Variants in BBOF1 observed in about 807,000 individuals in gnomAD.
BBOF1 encodes basal body-orientation factor 1.
A neutral mutation model predicts 68.0 loss-of-function variants in BBOF1; 62 were observed. That is an observed-to-expected ratio of 0.91 (90% CI 0.74 to 1.13). The LOEUF (loss-of-function observed/expected upper bound fraction) is 1.13. Ranked by LOEUF, BBOF1 falls within the 50% of genes most tolerant of loss-of-function variation. The probability of loss-of-function intolerance (pLI) is 0.00; values close to 1 mark genes in which losing one functional copy is unlikely to be tolerated. For synonymous variants in BBOF1, 208 were observed against 198.8 expected (o/e 1.05, Z -0.39); for missense variants, 534 against 600.1 (o/e 0.89, Z 1.15).
At chr14:74,026,858 G>A (rs1286176967) in intron 2 of BBOF1, among the ~76,000 whole-genome samples, 2 of 151,722 alleles carry the variant, frequency 1.3e-5, no homozygotes, top group African/African-American at 4.8e-5. Context: ...CCAGGAGGTG[G>A]AGGTTGCAGT....
chr14:74,037,314 CAG>C (rs2059729686), intron 4 of BBOF1, among the ~76,000 whole-genome samples: 1 of 119,360 alleles, frequency 8.4e-6, no homozygotes, highest in African/African-American at 3.1e-5. Context: ...TTTCTTGAGA[CAG>C]AGTCTCGCTC....
chr14:74,060,828 A>G (rs2060323386), intron 11 of BBOF1: 12 of 955,058 alleles, frequency 1.3e-5, no homozygotes, highest in Middle Eastern at 2.2e-4. Flanking sequence ...AGGAGGTATT[A>G]TAAAGTGCTA....
chr14:74,024,353 G>T (rs762951838), intron 2 of BBOF1, among the ~76,000 whole-genome samples: 2 of 152,132 alleles, frequency 1.3e-5, no homozygotes, highest in Non-Finnish European at 2.9e-5. Context: ...CTACTCGGGA[G>T]GCTAAGGCGG....
At chr14:74,071,608 A>C in intron 9 of BBOF1, 1 of 1,590,008 alleles carries the variant, frequency 6.3e-7, no homozygotes, top group Non-Finnish European at 8.5e-7. Flanking sequence ...GAAGGGGTGC[A>C]GGGTACACTG....
intron 11 of BBOF1, 101 bp from the exon 12 acceptor site, chr14:74,064,587 C>A: frequency 1.7e-6 from 2 of 1,148,470 alleles, no homozygotes; most frequent in Admixed American, 1.7e-5. Flanking sequence ...TATACAAAGG[C>A]TTAGACTTCC....
At chr14:74,019,859 G>A (rs1361485690) in intron 1 of BBOF1, among the ~76,000 whole-genome samples, 3 of 152,220 alleles carry the variant, frequency 2.0e-5, no homozygotes, top group African/African-American at 7.2e-5. Flanking sequence ...ACTGAGGTGG[G>A]TAATGTTCTA....
chr14:74,070,306 G>A (rs1386675065), downstream of BBOF1, among the ~76,000 whole-genome samples: 1 of 152,034 alleles, frequency 6.6e-6, no homozygotes, highest in Non-Finnish European at 1.5e-5. Context: ...ATCACCTGAG[G>A]TCAGGAGTTT....
At chr14:74,071,770 A>G (rs2060552543) in intron 9 of BBOF1, 1 of 1,461,076 alleles carries the variant, frequency 6.8e-7, no homozygotes, top group African/African-American at 1.4e-5. Flanking sequence ...TTTCACAAGT[A>G]TTAAAAAAGA....
intron 10 of BBOF1, among the ~76,000 whole-genome samples, chr14:74,079,918 G>C (rs1033688845): frequency 6.6e-6 from 1 of 152,046 alleles, no homozygotes; most frequent in Admixed American, 6.6e-5. Context: ...TGCACCTGTG[G>C]TCCCAGGTAC....
chr14:74,048,799 A>T (rs2060004787), intron 7 of BBOF1, among the ~76,000 whole-genome samples: 1 of 152,204 alleles, frequency 6.6e-6, no homozygotes, highest in Admixed American at 6.6e-5. Flanking sequence ...GGAAAGGGAA[A>T]GGGAAAATAG....
At chr14:74,032,230 G>A (rs553715076) in intron 3 of BBOF1, among the ~76,000 whole-genome samples, 20 of 148,622 alleles carry the variant, frequency 1.3e-4, no homozygotes, top group Admixed American at 9.5e-4. Context: ...GGGTTCAAGC[G>A]ATTCTCCTGC....
Position 74,019,427 on chromosome 14 carries a change from A to T in BBOF1, c.-52A>T. Reference sequence around the variant, plus strand: ...GGTTCCCTTGGAGACAGAGCTGGCCAGGGCGGCCGCGGCTGGGCAACTACG... The same window carrying T: ...GGTTCCCTTGGAGACAGAGCTGGCCTGGGCGGCCGCGGCTGGGCAACTACG... On this transcript the variant is annotated 5_prime_UTR_variant, in exon 1 of 12. Transcript: ENST00000394009. 1.3e-6 allele frequency: 2 copies of T among 1,566,662 alleles called. No homozygotes were observed. Among genetic ancestry groups the T allele is most frequent in the East Asian group, 4.8e-5 (2 of 41,822 alleles).
chr14:74,050,030 T>G lies in BBOF1; in HGVS notation c.1121T>G (p.Ile374Ser). ...GCTCTGCACCAAGTGAAGCAACAGA[T>G]CCTAATTAGCAGGAAGCATTATAAG... Reference protein sequence around the residue: ...LDALHQVKQQILISRKHYKQI... With the variant: ...LDALHQVKQQSLISRKHYKQI... The change falls in exon 8 of 12, where the codon ATC (isoleucine) becomes AGC (serine). Residue 374 changes from isoleucine to serine, a missense_variant. Physicochemically the swap from Ile to Ser is moderately radical, Grantham distance 142. Transcript: ENST00000394009. 4.3e-6 allele frequency: 7 copies of G among 1,614,098 alleles called. No individual in the cohort carries two copies. Among genetic ancestry groups the G allele is most frequent in the Non-Finnish European group, 5.9e-6 (7 of 1,180,026 alleles).
At chr14:74,045,956 G>A in intron 5 of BBOF1, 104 bp from the exon 6 acceptor site, 1 of 973,638 alleles carries the variant, frequency 1.0e-6, no homozygotes, top group East Asian at 2.8e-5. Flanking sequence ...TTCAGGTCAT[G>A]GGGACAGGAG....
chr14:74,036,895 TCA>T (rs1263666026), intron 4 of BBOF1, among the ~76,000 whole-genome samples: 2 of 151,980 alleles, frequency 1.3e-5, no homozygotes, highest in Non-Finnish European at 2.9e-5. Context: ...GTTTCATTGT[TCA>T]CACTGTCTTT....
In BBOF1 at chr14:74,064,676, A is replaced by T. The variant is rs748607411; in HGVS notation, c.1579-12A>T. The T allele has an allele frequency of 3.1e-6, 5 of 1,613,906 alleles. No homozygotes were observed. Among genetic ancestry groups the T allele is most frequent in the South Asian group, 2.2e-5 (2 of 91,080 alleles). On this transcript the variant is annotated splice_polypyrimidine_tract_variant and intron_variant, in intron 11 of 11. Transcript: ENST00000394009. ...TTTGGCAAAATTTTGTTAACTTTTA[A>T]ATCTTTTTTAGGGAACCTTCTGAGA...
intron 3 of BBOF1, among the ~76,000 whole-genome samples, chr14:74,031,124 T>TTA (rs1024759650): frequency 6.6e-5 from 10 of 151,634 alleles, no homozygotes; most frequent in African/African-American, 2.2e-4. Context: ...CTTTTCTTTT[T>TTA]TTTTTTTGAG....
At chr14:74,038,123 C>T (rs1046260344) in intron 4 of BBOF1, among the ~76,000 whole-genome samples, 1 of 152,090 alleles carries the variant, frequency 6.6e-6, no homozygotes, top group Non-Finnish European at 1.5e-5. Flanking sequence ...ATAGATTGCA[C>T]TCACTTGAGG....
At chr14:74,019,604 C>G in intron 1 of BBOF1, 70 bp downstream of exon 1, 2 of 1,540,554 alleles carry the variant, frequency 1.3e-6, no homozygotes, top group East Asian at 5.0e-5. Context: ...GGGCTGGCAA[C>G]CTGGCGCCCC....
Sources: gnomAD v4.1 joint callset for allele counts (sites outside exome capture counted in the v4.1 genomes callset) on GRCh38, gnomAD v4.1.1 for gene constraint, MANE v1.5 for transcripts, NCBI Gene and HGNC (gene_info 2026-07-23, HGNC 2026-07-21) for gene names.